The following KCNC2 variants were observed in gnomAD, a reference collection of about 807,000 sequenced individuals.
KCNC2 encodes the protein potassium voltage-gated channel subfamily C member 2.
Under a neutral mutation model 44.5 loss-of-function variants are expected in KCNC2, and 21 were observed. The observed-to-expected ratio is 0.47, with a 90% CI of 0.33 to 0.68. The LOEUF (loss-of-function observed/expected upper bound fraction) is 0.68. Ranked by LOEUF, KCNC2 falls within the 30% of genes least tolerant of loss-of-function variation. The pLI, the probability that KCNC2 is intolerant of heterozygous loss-of-function variation, is 0.01. For missense variants in KCNC2, 589 were observed against 826.2 expected, an observed-to-expected ratio of 0.71 and a Z score of 3.52; for synonymous variants, 391 against 339.1, an observed-to-expected ratio of 1.15 and a Z score of -1.68.
At chr12:75,199,294 G>C (rs964388971) in intron 2 of KCNC2, among the ~76,000 whole-genome samples, 1 of 151,804 alleles carries the variant, frequency 6.6e-6, no homozygotes, top group Non-Finnish European at 1.5e-5. Context: ...TTCAAACAAA[G>C]AATGAAGGAG....
chr12:75,049,455 GT>G lies in KCNC2; in HGVS notation c.1615+934del, dbSNP rs1253422383. 5.3e-5 allele frequency among the ~76,000 whole-genome samples: 8 copies of G among 152,126 alleles called. No homozygotes were observed. The South Asian group carries it at 6.2e-4, about 12-fold the overall frequency. ...TAGTAGGGTAAAAGCTAATTAAATTGTTTAATCTGCAAAATATTTTACCTGT... is the reference window on the plus strand; with the variant it reads ...TAGTAGGGTAAAAGCTAATTAAATTGTTAATCTGCAAAATATTTTACCTGT... On this transcript the variant is annotated intron_variant, in intron 3 of 4. Transcript: ENST00000549446.
intron 2 of KCNC2, among the ~76,000 whole-genome samples, chr12:75,114,389 T>C (rs1168917639): frequency 6.6e-6 from 1 of 152,200 alleles, no homozygotes; most frequent in East Asian, 1.9e-4. Flanking sequence ...TTGCAGGCAT[T>C]ATTCATTTAC....
chr12:75,172,353 AG>A (rs1347275622), intron 2 of KCNC2, among the ~76,000 whole-genome samples: 2 of 151,844 alleles, frequency 1.3e-5, no homozygotes, highest in African/African-American at 4.8e-5. Context: ...GGAGAGCATC[AG>A]GAAGACTAAC....
intron 2 of KCNC2, among the ~76,000 whole-genome samples, chr12:75,140,682 A>G (rs1889585019): frequency 6.6e-6 from 1 of 152,084 alleles, no homozygotes; most frequent in African/African-American, 2.4e-5. Context: ...ACAAAAAAGA[A>G]TATCTGATAT....
chr12:75,187,674 T>A (rs1372426066), intron 2 of KCNC2, among the ~76,000 whole-genome samples: 1 of 152,220 alleles, frequency 6.6e-6, no homozygotes, highest in Admixed American at 6.5e-5. Flanking sequence ...TGGAGCAGAC[T>A]GTTATTTAAG....
At chr12:75,113,140 T>C (rs1000274671) in intron 2 of KCNC2, among the ~76,000 whole-genome samples, 2 of 152,186 alleles carry the variant, frequency 1.3e-5, no homozygotes, top group African/African-American at 4.8e-5. Flanking sequence ...AACTGATGCT[T>C]GTTATTATAT....
intron 2 of KCNC2, among the ~76,000 whole-genome samples, chr12:75,162,492 A>G (rs1020596086): frequency 1.3e-5 from 2 of 151,666 alleles, no homozygotes; most frequent in African/African-American, 4.8e-5. Flanking sequence ...GGATTAATAG[A>G]TTACATCTGT....
intron 2 of KCNC2, among the ~76,000 whole-genome samples, chr12:75,170,683 C>A (rs1179622211): frequency 1.3e-5 from 2 of 151,652 alleles, no homozygotes; most frequent in East Asian, 3.9e-4. Flanking sequence ...CTTTAATATG[C>A]CGTTGATGTT....
intron 2 of KCNC2, among the ~76,000 whole-genome samples, chr12:75,151,972 T>C (rs1323493653): frequency 6.8e-6 from 1 of 146,302 alleles, no homozygotes; most frequent in African/African-American, 2.5e-5. Flanking sequence ...ATATTATACA[T>C]TTATATATTA....
At chr12:75,176,429 T>C (rs1288430466) in intron 2 of KCNC2, among the ~76,000 whole-genome samples, 1 of 151,954 alleles carries the variant, frequency 6.6e-6, no homozygotes, top group Admixed American at 6.6e-5. Context: ...AGAGTAAAAG[T>C]TGAAGTCCTT....
chr12:75,170,402 T>C (rs560163170), intron 2 of KCNC2, among the ~76,000 whole-genome samples: 49 of 151,814 alleles, frequency 3.2e-4, no homozygotes, highest in Middle Eastern at 3.4e-3. Context: ...TTCAAAACTT[T>C]GGGATTCAGG....
In KCNC2 at chr12:75,186,525, G is replaced by A. The variant is rs537199433; in HGVS notation, c.687+20772C>T. 3.9e-5 allele frequency among the ~76,000 whole-genome samples: 6 copies of A among 152,140 alleles called. No individual in the cohort carries two copies. In the South Asian group the frequency reaches 1.2e-3, roughly 32 times the overall value. On this transcript the variant is annotated intron_variant, in intron 2 of 4. Transcript: ENST00000549446. ...CCATCTCCTTCTGTTGTAAAAAAAG[G>A]TTATTATTATAAAATGTTCACTACT...
chr12:75,116,001 A>T (rs1269262856), intron 2 of KCNC2, among the ~76,000 whole-genome samples: 1 of 152,196 alleles, frequency 6.6e-6, no homozygotes, highest in Non-Finnish European at 1.5e-5. Flanking sequence ...TGCCTGGAAC[A>T]GTGCCGAATA....
chr12:75,057,142 G>A (rs930007562), intron 2 of KCNC2, among the ~76,000 whole-genome samples: 5 of 151,942 alleles, frequency 3.3e-5, no homozygotes, highest in African/African-American at 1.2e-4. Flanking sequence ...TGATTATTCT[G>A]AATGACCATT....
At chr12:75,186,427 C>T (rs894074634) in intron 2 of KCNC2, among the ~76,000 whole-genome samples, 2 of 152,020 alleles carry the variant, frequency 1.3e-5, no homozygotes, top group African/African-American at 4.8e-5. Flanking sequence ...TTCCATGTTA[C>T]TAATACTCTT....
chr12:75,108,393 T>C (rs74110407), intron 2 of KCNC2, among the ~76,000 whole-genome samples: 8,298 of 152,254 alleles, frequency 0.055, 274 homozygotes, highest in African/African-American at 0.088. Flanking sequence ...ATAAATGAGA[T>C]AGCTGATGTT....
chr12:75,070,433 A>AGCCGAGATTGCACCATTGCACTCC (rs2137031410), intron 2 of KCNC2, among the ~76,000 whole-genome samples: 1 of 134,372 alleles, frequency 7.4e-6, no homozygotes, highest in African/African-American at 2.8e-5. Context: ...CTTGGGCAAC[A>AGCCGAGATTGCACCATTGCACTCC]AGAACAAAAC....
Position 75,207,333 on chromosome 12 carries a change from G to A in KCNC2, c.651C>T (p.Ala217=), listed in dbSNP as rs770006550. 4.5e-6 allele frequency: 7 copies of A among 1,569,124 alleles called. No individual in the cohort carries two copies. In the Admixed American group the frequency reaches 7.7e-5, roughly 17 times the overall value. ...TGGACGAGTAGGGGTCTTCGAAGAG[G>A]GCCCACATGCGGGGCTGCAGCCTCC... The part of the protein sequence containing the change: ...RWRRLQPRMW[A]LFEDPYSSRA... The change falls in exon 2 of 5, where the codon GCC becomes GCT. Residue 217 remains alanine, a synonymous_variant. Coordinates refer to ENST00000549446, the MANE Select transcript of KCNC2 (RefSeq NM_139137.4). The surrounding 1 kb of genome is among the most constrained non-coding windows in gnomAD (Gnocchi z 4.1).
chr12:75,114,487 G>A (rs1887495531), intron 2 of KCNC2, among the ~76,000 whole-genome samples: 1 of 152,120 alleles, frequency 6.6e-6, no homozygotes, highest in African/African-American at 2.4e-5. Flanking sequence ...ACTACGTCTT[G>A]GCCTCCTTTA....
Sources: gnomAD v4.1 joint callset for allele counts (sites outside exome capture counted in the v4.1 genomes callset) on GRCh38, gnomAD v4.1.1 for gene constraint, Gnocchi (gnomAD v3.1) non-coding constraint, MANE v1.5 for transcripts, NCBI Gene and HGNC (gene_info 2026-07-23, HGNC 2026-07-21) for gene names.